The following DCAF8L2 variants were observed in gnomAD, a reference collection of about 807,000 sequenced individuals.
DCAF8L2 encodes DDB1 and CUL4 associated factor 8 like 2.
For missense variants in DCAF8L2, 430 were observed against 490.7 expected (o/e 0.88, Z 1.17); for synonymous variants, 200 against 190.9 (o/e 1.05, Z -0.39).
chrX:27,487,884 C>T, the DCAF8L2 span, among the ~76,000 whole-genome samples: 1 of 111,552 alleles, frequency 9.0e-6, no homozygotes, highest in Non-Finnish European at 1.9e-5. Flanking sequence ...AGTCACTTAT[C>T]TCAATGTTTT....
chrX:27,483,488 T>A, the DCAF8L2 span, among the ~76,000 whole-genome samples: 1 of 111,935 alleles, frequency 8.9e-6, no homozygotes, highest in South Asian at 3.7e-4. Context: ...GGTGTTAAAT[T>A]ATAGTACATC....
chrX:27,501,441 A>G, the DCAF8L2 span, among the ~76,000 whole-genome samples: 3 of 111,123 alleles, frequency 2.7e-5, no homozygotes, highest in South Asian at 3.8e-4. Context: ...CTTTCTATCT[A>G]TAAGTAACTT....
chrX:27,649,901 C>T (rs768882290), intron 2 of DCAF8L2, among the ~76,000 whole-genome samples: 1 of 111,711 alleles, frequency 9.0e-6, no homozygotes, highest in East Asian at 2.8e-4. Context: ...AATGGTGCTT[C>T]TCAATTTTTC....
At chrX:27,724,727 C>A (rs1470240102) in intron 4 of DCAF8L2, among the ~76,000 whole-genome samples, 3 of 111,038 alleles carry the variant, frequency 2.7e-5, no homozygotes, top group Non-Finnish European at 5.7e-5. Context: ...ATCAATTCTC[C>A]AAGTAACAGA....
At chrX:27,499,907 T>A in the DCAF8L2 span, among the ~76,000 whole-genome samples, 1 of 111,940 alleles carries the variant, frequency 8.9e-6, no homozygotes, top group South Asian at 3.7e-4. Flanking sequence ...TTTCTCACAT[T>A]CTGTGGGTTG....
chrX:27,539,729 T>A, the DCAF8L2 span, among the ~76,000 whole-genome samples: 48,303 of 109,285 alleles, frequency 0.44, 9,154 homozygotes, highest in South Asian at 0.67. Flanking sequence ...ATGTGATATA[T>A]ATCCAGTGTA....
intron 2 of DCAF8L2, among the ~76,000 whole-genome samples, chrX:27,637,845 T>C (rs779515552): frequency 2.7e-5 from 3 of 111,849 alleles, no homozygotes; most frequent in South Asian, 7.5e-4. Flanking sequence ...ATATTCCCCA[T>C]ACATTAAAAA....
At chrX:27,581,427 T>C in the DCAF8L2 span, among the ~76,000 whole-genome samples, 5 of 111,692 alleles carry the variant, frequency 4.5e-5, no homozygotes, top group East Asian at 1.4e-3. Flanking sequence ...AATATATCTT[T>C]ACTTGGGAAT....
the DCAF8L2 span, among the ~76,000 whole-genome samples, chrX:27,492,361 T>C: frequency 8.9e-6 from 1 of 112,380 alleles, no homozygotes; most frequent in Non-Finnish European, 1.9e-5. Flanking sequence ...ATATAATTCT[T>C]CTATAAACCA....
chrX:27,722,292 G>A (rs966786764), intron 4 of DCAF8L2, among the ~76,000 whole-genome samples: 2 of 111,367 alleles, frequency 1.8e-5, no homozygotes, highest in African/African-American at 3.3e-5. Context: ...GATGAATCTC[G>A]ACTTACAATG....
chrX:27,546,307 C>T, the DCAF8L2 span, among the ~76,000 whole-genome samples: 2 of 112,066 alleles, frequency 1.8e-5, no homozygotes, highest in Non-Finnish European at 3.8e-5. Flanking sequence ...GGCAGCTCTG[C>T]TCCTGTGGCT....
chrX:27,502,411 A>G, the DCAF8L2 span, among the ~76,000 whole-genome samples: 1 of 81,383 alleles, frequency 1.2e-5, no homozygotes, highest in African/African-American at 4.5e-5. Flanking sequence ...TCATGTTGGG[A>G]GAGGGGCTTT....
At chrX:27,545,918 C>G in the DCAF8L2 span, among the ~76,000 whole-genome samples, 1 of 111,311 alleles carries the variant, frequency 9.0e-6, no homozygotes, top group Admixed American at 9.5e-5. Context: ...TGCCTCTTGC[C>G]CCTCCCAAAT....
chrX:27,652,413 G>A (rs1462161051), intron 2 of DCAF8L2, among the ~76,000 whole-genome samples: 2 of 111,621 alleles, frequency 1.8e-5, no homozygotes, highest in Non-Finnish European at 3.8e-5. Flanking sequence ...GTAGGACTCA[G>A]TTACTCTTAA....
intron 1 of DCAF8L2, among the ~76,000 whole-genome samples, chrX:27,611,773 T>C (rs2147138173): frequency 9.0e-6 from 1 of 111,090 alleles, no homozygotes; most frequent in South Asian, 3.9e-4. Context: ...GGACATGAAG[T>C]CATCCTTTTT....
At chrX:27,743,822 T>C (rs961782734) in intron 4 of DCAF8L2, among the ~76,000 whole-genome samples, 3 of 108,341 alleles carry the variant, frequency 2.8e-5, no homozygotes, top group Middle Eastern at 4.8e-3. Flanking sequence ...AACCTCCACC[T>C]CCCGGGCTCA....
the DCAF8L2 span, among the ~76,000 whole-genome samples, chrX:27,480,032 T>C: frequency 8.9e-6 from 1 of 112,679 alleles, no homozygotes; most frequent in African/African-American, 3.2e-5. Flanking sequence ...ACAAAGCTCA[T>C]GGTCTCCAAA....
At chrX:27,518,826 T>C in the DCAF8L2 span, 1 of 525,940 alleles carries the variant, frequency 1.9e-6, no homozygotes, top group African/African-American at 2.3e-5. Flanking sequence ...ATGCTTTGAG[T>C]CTGAATATTT....
chrX:27,650,079 C>A (rs1334648944), intron 2 of DCAF8L2, among the ~76,000 whole-genome samples: 1 of 111,636 alleles, frequency 9.0e-6, no homozygotes, highest in East Asian at 2.8e-4. Flanking sequence ...GCTTGTTACT[C>A]ACTTTGTTGA....
Sources: allele counts gnomAD v4.1 joint callset (sites outside exome capture counted in the v4.1 genomes callset), GRCh38; gene constraint gnomAD v4.1.1; transcripts MANE v1.5; gene names NCBI Gene and HGNC (gene_info 2026-07-23, HGNC 2026-07-21).